SUN3: variants seen among roughly 807,000 people sequenced by gnomAD.
SUN3 encodes Sad1 and UNC84 domain containing 3, also known as SUN domain-containing protein 3.
SUN3 carries 36 observed loss-of-function variants against 48.2 expected under a neutral mutation model. That is an observed-to-expected ratio of 0.75 (90% CI 0.57 to 0.99). The LOEUF (loss-of-function observed/expected upper bound fraction) is 0.99, where lower values mean the gene tolerates loss of function less well. Among genes scored for constraint, SUN3 ranks in the 50% least tolerant of loss-of-function variants. The pLI, the probability that SUN3 is intolerant of heterozygous loss-of-function variation, is 0.00. For missense variants in SUN3, 419 were observed against 433.1 expected, an observed-to-expected ratio of 0.97 and a Z score of 0.29; for synonymous variants, 148 against 147.9, an observed-to-expected ratio of 1.00 and a Z score of 0.00.
Position 48,027,716 on chromosome 7 carries a change from A to G in SUN3, c.122+1101T>C, listed in dbSNP as rs376487455. ...TATCTACCCTACATAAAGCAGTCAT[A>G]CCTATTAGCCATCCAAGAGTGTGAC... On this transcript the variant is annotated intron_variant, in intron 1 of 9. Transcript: ENST00000297325. Among the ~76,000 whole-genome samples the G allele has an allele frequency of 7.9e-5, 12 of 152,332 alleles. No homozygotes were observed. In the East Asian group the frequency reaches 1.9e-3, roughly 24 times the overall value.
In SUN3 at chr7:48,007,330, G is replaced by C; in HGVS notation, c.330-3C>G. On this transcript the variant is annotated splice_polypyrimidine_tract_variant and splice_region_variant and intron_variant, in intron 4 of 9. Coordinates refer to ENST00000297325, the MANE Select transcript of SUN3 (RefSeq NM_001030019.2). Reference sequence around the variant, plus strand: ...TTTCCAGATTCTGGCTTTCCTTCCTGTAAAGGGAAAATCTCAGCATGAGAG... The same window carrying C: ...TTTCCAGATTCTGGCTTTCCTTCCTCTAAAGGGAAAATCTCAGCATGAGAG... The C allele has an allele frequency of 6.2e-7, 1 of 1,612,536 alleles. No homozygotes were observed. Among genetic ancestry groups the C allele is most frequent in the Non-Finnish European group, 8.5e-7 (1 of 1,179,072 alleles).
chr7:48,018,803 A>C (rs73337806), intron 2 of SUN3, among the ~76,000 whole-genome samples: 18,075 of 152,078 alleles, frequency 0.12, 3,552 homozygotes, highest in African/African-American at 0.41. Context: ...AAAGTATGGC[A>C]CATTCAAAAA....
the SUN3 span, chr7:48,035,528 G>C: frequency 1.4e-6 from 1 of 697,768 alleles, no homozygotes; most frequent in East Asian, 2.7e-5. The surrounding 1 kb of genome is among the most constrained non-coding windows in gnomAD (Gnocchi z 4.0). Context: ...TGGTTCCGCG[G>C]CGCGCTGGGA....
intron 1 of SUN3, among the ~76,000 whole-genome samples, chr7:48,028,439 G>C (rs577261963): frequency 1.8e-5 from 2 of 112,750 alleles, no homozygotes; most frequent in Non-Finnish European, 3.3e-5. Context: ...CCGGTGCTAA[G>C]CTCTGCATAC....
At chr7:48,015,662 G>A (rs1789791307) in intron 3 of SUN3, among the ~76,000 whole-genome samples, 1 of 152,142 alleles carries the variant, frequency 6.6e-6, no homozygotes, top group Non-Finnish European at 1.5e-5. Context: ...GTGGAGACAG[G>A]CCAATATGTC....
chr7:47,994,291 T>C (rs1211985194), intron 8 of SUN3, 24 bp downstream of exon 8: 1 of 1,612,010 alleles, frequency 6.2e-7, no homozygotes. Context: ...CCAATCTGAA[T>C]GACAAATTTA....
chr7:48,023,151 C>G (rs1174051527), intron 2 of SUN3, among the ~76,000 whole-genome samples: 1 of 151,340 alleles, frequency 6.6e-6, no homozygotes, highest in Non-Finnish European at 1.5e-5. Context: ...TCTTTTATTT[C>G]TTTCATAATT....
In SUN3 at chr7:47,992,415, A is replaced by C. The variant is rs1267857333; in HGVS notation, c.861+1900T>G. Among the ~76,000 whole-genome samples, 4 of 152,340 alleles carry C rather than the reference A, an allele frequency of 2.6e-5. No individual in the cohort carries two copies. The East Asian group carries it at 7.7e-4, about 29-fold the overall frequency. ...AAAGAAAAAAATATAGGCTCTAAAAAAGGGAATATGTATAGAAACAAGAAG... is the reference window on the plus strand; with the variant it reads ...AAAGAAAAAAATATAGGCTCTAAAACAGGGAATATGTATAGAAACAAGAAG... On this transcript the variant is annotated intron_variant, in intron 8 of 9. Coordinates refer to ENST00000297325, the MANE Select transcript of SUN3 (RefSeq NM_001030019.2).
chr7:47,988,154 T>C (rs543727701), intron 9 of SUN3, among the ~76,000 whole-genome samples: 64 of 152,354 alleles, frequency 4.2e-4, no homozygotes, highest in African/African-American at 1.4e-3. Context: ...CTAACATATA[T>C]GTATTGTTTT....
At chr7:47,987,992 T>C (rs1788948684) in intron 9 of SUN3, among the ~76,000 whole-genome samples, 2 of 152,214 alleles carry the variant, frequency 1.3e-5, no homozygotes, top group Non-Finnish European at 2.9e-5. Context: ...TTCCCCCCTC[T>C]ACACTCCTTG....
chr7:48,035,337 G>A, the SUN3 span, among the ~76,000 whole-genome samples: 1 of 151,794 alleles, frequency 6.6e-6, no homozygotes. This position sits in a 1 kb window ranked among gnomAD's most constrained non-coding sequence, Gnocchi z 4.0. Context: ...CCGTGGCATC[G>A]CTGCGCTGCC....
chr7:48,026,581 AACAC>A lies in SUN3; in HGVS notation c.123-647_123-644del, dbSNP rs112192395. Among the ~76,000 whole-genome samples, 842 of 145,448 alleles carry A rather than the reference AACAC, an allele frequency of 5.8e-3. 5 individuals carry two copies. The highest frequency in any genetic ancestry group is 0.032 in the East Asian group (159 of 4,948). On this transcript the variant is annotated intron_variant, in intron 1 of 9. Transcript: ENST00000297325. ...TGGACTGAATTGCACCCCACCCCCCAACACACACACACACACACACACACACACA... is the reference window on the plus strand; with the variant it reads ...TGGACTGAATTGCACCCCACCCCCCAACACACACACACACACACACACACA...
intron 1 of SUN3, among the ~76,000 whole-genome samples, chr7:48,026,208 T>C (rs370489788): frequency 6.6e-6 from 1 of 152,116 alleles, no homozygotes; most frequent in Non-Finnish European, 1.5e-5. Context: ...CTTATGCTAG[T>C]ATATGTCTAT....
Position 47,994,393 on chromosome 7 carries a change from A to G in SUN3, c.783T>C (p.Ala261=), listed in dbSNP as rs1439286898. 3 of 1,613,372 alleles carry G rather than the reference A, an allele frequency of 1.9e-6. No homozygotes were observed. The highest frequency in any genetic ancestry group is 1.7e-4 in the Middle Eastern group (1 of 6,056). The change falls in exon 8 of 10, where the codon GCT becomes GCC. Residue 261 remains alanine, a synonymous_variant. Transcript: ENST00000297325. ...TCTCTGAGATGTGCTCCATGGTAACAGCAGTTGGTATGATCTTTGTAGCAA... is the reference window on the plus strand; with the variant it reads ...TCTCTGAGATGTGCTCCATGGTAACGGCAGTTGGTATGATCTTTGTAGCAA... The part of the protein sequence containing the change: ...IKLATKIIPT[A]VTMEHISEKV...
chr7:47,994,107 T>G (rs537748111), intron 8 of SUN3, among the ~76,000 whole-genome samples: 1 of 152,216 alleles, frequency 6.6e-6, no homozygotes, highest in Non-Finnish European at 1.5e-5. Flanking sequence ...ATTTGATTTT[T>G]ACTTATACAT....
At chr7:48,017,564 A>G (rs1240521252) in intron 2 of SUN3, among the ~76,000 whole-genome samples, 199 bp from the exon 3 acceptor site, 3 of 152,248 alleles carry the variant, frequency 2.0e-5, no homozygotes. Context: ...TAGCTAGTAA[A>G]GATTGACAGA....
At chr7:48,011,867 GA>G (rs906343621) in intron 3 of SUN3, among the ~76,000 whole-genome samples, 2 of 152,176 alleles carry the variant, frequency 1.3e-5, no homozygotes, top group Admixed American at 1.3e-4. Context: ...GATGAAGTTG[GA>G]ACCTACTCGT....
the SUN3 span, among the ~76,000 whole-genome samples, chr7:48,035,845 T>G: frequency 2.0e-5 from 3 of 152,202 alleles, no homozygotes; most frequent in Non-Finnish European, 4.4e-5. The surrounding 1 kb of genome is among the most constrained non-coding windows in gnomAD (Gnocchi z 4.0). Context: ...CTGTACTTGC[T>G]GTGTCCCTGG....
At chr7:47,993,393 A>G (rs1255668112) in intron 8 of SUN3, among the ~76,000 whole-genome samples, 1 of 152,226 alleles carries the variant, frequency 6.6e-6, no homozygotes, top group African/African-American at 2.4e-5. Flanking sequence ...GACCAAAAAA[A>G]TGAAAATAAT....
Sources: gnomAD v4.1 joint callset for allele counts (sites outside exome capture counted in the v4.1 genomes callset) on GRCh38, gnomAD v4.1.1 for gene constraint, Gnocchi (gnomAD v3.1) non-coding constraint, MANE v1.5 for transcripts, NCBI Gene and HGNC (gene_info 2026-07-23, HGNC 2026-07-21) for gene names.